The following AGAP1 variants were observed in gnomAD, a reference collection of about 807,000 sequenced individuals.
AGAP1 encodes the protein ArfGAP with GTPase domain, ankyrin repeat and PH domain 1.
In AGAP1, 29 loss-of-function variants were observed where a neutral mutation model predicts 105.3. The ratio of observed to expected loss-of-function variants is 0.28; its 90% CI spans 0.21 to 0.38. AGAP1 has a LOEUF of 0.38. Among genes scored for constraint, AGAP1 ranks in the 10% least tolerant of loss-of-function variants. AGAP1 has a pLI of 1.00. For synonymous variants in AGAP1, 509 were observed against 485.9 expected, an observed-to-expected ratio of 1.05 and a Z score of -0.63; for missense variants, 998 against 1,165.1, an observed-to-expected ratio of 0.86 and a Z score of 2.09.
At chr2:235,945,563 A>G (rs1238049100) in intron 12 of AGAP1, among the ~76,000 whole-genome samples, 1 of 147,508 alleles carries the variant, frequency 6.8e-6, no homozygotes, top group Non-Finnish European at 1.5e-5. Context: ...TAATTTTACA[A>G]TAATATCTTT....
Position 235,533,013 on chromosome 2 carries a change from A to G in AGAP1, c.163+38164A>G, listed in dbSNP as rs182428236. On this transcript the variant is annotated intron_variant, in intron 1 of 17. Coordinates refer to ENST00000304032, the MANE Select transcript of AGAP1 (RefSeq NM_001037131.3). ...TTTGAAGGGAAAAAAAAATCAATCAATCAATATCAGTAACTTGCTATAGAT... is the reference window on the plus strand; with the variant it reads ...TTTGAAGGGAAAAAAAAATCAATCAGTCAATATCAGTAACTTGCTATAGAT... 2.7e-3 allele frequency among the ~76,000 whole-genome samples: 413 copies of G among 152,308 alleles called. 3 individuals are homozygous for G. Among genetic ancestry groups the G allele is most frequent in the African/African-American group, 9.7e-3 (404 of 41,572 alleles).
Position 235,866,393 on chromosome 2 carries a change from C to CG in AGAP1, c.1051-16947dup, listed in dbSNP as rs931775690. Among the ~76,000 whole-genome samples, 3 of 151,980 alleles carry CG rather than the reference C, an allele frequency of 2.0e-5. No homozygotes were observed. The highest frequency in any genetic ancestry group is 7.3e-5 in the African/African-American group (3 of 41,370). On this transcript the variant is annotated intron_variant, in intron 9 of 17. Coordinates refer to ENST00000304032, the MANE Select transcript of AGAP1 (RefSeq NM_001037131.3). The surrounding 1 kb of genome is among the most constrained non-coding windows in gnomAD (Gnocchi z 6.1). ...GGACTTGAGGTACCTGGTAGATACT[C>CG]GGGGGAGTGTGTCCAGTACGGAATG...
chr2:235,526,555 A>G (rs950852572), intron 1 of AGAP1, among the ~76,000 whole-genome samples: 1 of 152,254 alleles, frequency 6.6e-6, no homozygotes, highest in Non-Finnish European at 1.5e-5. Context: ...ACATAAAAAG[A>G]TTTAACAAGC....
chr2:235,567,361 G>GC (rs1345795651), intron 1 of AGAP1, among the ~76,000 whole-genome samples: 1 of 152,154 alleles, frequency 6.6e-6, no homozygotes, highest in Non-Finnish European at 1.5e-5. Flanking sequence ...CCCTTCCAGA[G>GC]CCCCAAAGGG....
chr2:235,496,196 A>AGC (rs1941312377), intron 1 of AGAP1, among the ~76,000 whole-genome samples: 2 of 152,372 alleles, frequency 1.3e-5, no homozygotes, highest in Non-Finnish European at 1.5e-5. Flanking sequence ...AGGCTGGATG[A>AGC]CTGGCAGACT....
At position 235,983,409 on chromosome 2, in the gene AGAP1, T is replaced by C. The variant is rs1210188261; in HGVS notation, c.1645+14786T>C. Reference sequence around the variant, plus strand: ...GGCCCCTTTTTCTCCTTTCCTTCTTTCTCTTCCATTCTCCTTTTTCCTGTA... The same window carrying C: ...GGCCCCTTTTTCTCCTTTCCTTCTTCCTCTTCCATTCTCCTTTTTCCTGTA... On this transcript the variant is annotated intron_variant, in intron 13 of 17. Coordinates refer to ENST00000304032, the MANE Select transcript of AGAP1 (RefSeq NM_001037131.3). The surrounding 1 kb of genome is among the most constrained non-coding windows in gnomAD (Gnocchi z 4.5). Among the ~76,000 whole-genome samples the C allele has an allele frequency of 3.3e-5, 5 of 152,176 alleles. No homozygotes were observed. In the East Asian group the frequency reaches 9.6e-4, roughly 29 times the overall value.
At chr2:235,822,604 G>T (rs1958856287) in intron 9 of AGAP1, among the ~76,000 whole-genome samples, 1 of 152,044 alleles carries the variant, frequency 6.6e-6, no homozygotes, top group Non-Finnish European at 1.5e-5. Context: ...AGAAGCTTGG[G>T]AATGGGGAGA....
At position 235,813,204 on chromosome 2, in the gene AGAP1, G is replaced by T. The variant is rs907608573; in HGVS notation, c.1050+5873G>T. ...CCCCGCCCTTTTGGCAATGTTGGTG[G>T]GTGACAATATGTTCCTCACAAGATG... On this transcript the variant is annotated intron_variant, in intron 9 of 17. Transcript: ENST00000304032. 1.6e-4 allele frequency among the ~76,000 whole-genome samples: 24 copies of T among 152,186 alleles called. 1 individual carries two copies. The highest frequency in any genetic ancestry group is 5.6e-4 in the African/African-American group (23 of 41,440).
intron 16 of AGAP1, among the ~76,000 whole-genome samples, chr2:236,072,747 A>G (rs1231815303): frequency 2.0e-5 from 3 of 152,132 alleles, no homozygotes; most frequent in Non-Finnish European, 2.9e-5. Context: ...GGAGTGAGGC[A>G]CTGCATCTAG....
At position 236,101,202 on chromosome 2, in the gene AGAP1, T is replaced by G. The variant is rs974588434; in HGVS notation, c.2115-18990T>G. Among the ~76,000 whole-genome samples the G allele has an allele frequency of 1.3e-5, 2 of 152,178 alleles. No individual in the cohort carries two copies. The highest frequency in any genetic ancestry group is 2.9e-5 in the Non-Finnish European group (2 of 68,036). The stretch of plus-strand genomic sequence containing the variant: ...AAATCTCTGTTGTTGGTACTGTTTG[T>G]TTTTGGCTGTTGGAACTGTTGTGAT... On this transcript the variant is annotated intron_variant, in intron 16 of 17. Transcript: ENST00000304032. The surrounding 1 kb of genome is among the most constrained non-coding windows in gnomAD (Gnocchi z 4.9).
chr2:235,996,104 G>A (rs2055802989), intron 13 of AGAP1, among the ~76,000 whole-genome samples: 1 of 152,202 alleles, frequency 6.6e-6, no homozygotes, highest in South Asian at 2.1e-4. Context: ...AGCAGTGCCA[G>A]TTAACTGAGA....
chr2:235,617,224 A>G (rs899167623), intron 1 of AGAP1, among the ~76,000 whole-genome samples: 2 of 152,222 alleles, frequency 1.3e-5, no homozygotes, highest in Non-Finnish European at 2.9e-5. Flanking sequence ...AATAACTTTC[A>G]AAAACTAGGT....
intron 1 of AGAP1, among the ~76,000 whole-genome samples, chr2:235,653,173 G>A (rs1947653191): frequency 6.6e-6 from 1 of 151,968 alleles, no homozygotes; most frequent in Non-Finnish European, 1.5e-5. Flanking sequence ...TGCTACTTAA[G>A]GGCACATTCC....
rs924069917 is a variant in AGAP1, at chr2:235,877,358, T to C, written c.1051-5987T>C. 2.6e-5 allele frequency among the ~76,000 whole-genome samples: 4 copies of C among 152,200 alleles called. No individual in the cohort carries two copies. The highest frequency in any genetic ancestry group is 5.9e-5 in the Non-Finnish European group (4 of 68,050). ...AATGTTAAGGATGATGATGTTTTGC[T>C]GAAACAAAATGACGGCCATCCGTGC... On this transcript the variant is annotated intron_variant, in intron 9 of 17. Transcript: ENST00000304032. The surrounding 1 kb of genome is among the most constrained non-coding windows in gnomAD (Gnocchi z 4.3).
rs1220389148 is a variant in AGAP1, at chr2:235,740,715, A to G, written c.311-248A>G. Among the ~76,000 whole-genome samples, 2 of 152,250 alleles carry G rather than the reference A, an allele frequency of 1.3e-5. No individual in the cohort carries two copies. Among genetic ancestry groups the G allele is most frequent in the Non-Finnish European group, 2.9e-5 (2 of 68,046 alleles). On this transcript the variant is annotated intron_variant, in intron 3 of 17. Coordinates refer to ENST00000304032, the MANE Select transcript of AGAP1 (RefSeq NM_001037131.3). This position sits in a 1 kb window ranked among gnomAD's most constrained non-coding sequence, Gnocchi z 5.7. ...CATGAGAAGTCCACACTAATTGGCC[A>G]CGAGTGTCTGGCATTGCGAAGGAAG...
intron 1 of AGAP1, among the ~76,000 whole-genome samples, chr2:235,652,924 T>A (rs1947643223): frequency 6.6e-6 from 1 of 151,630 alleles, no homozygotes; most frequent in Non-Finnish European, 1.5e-5. Flanking sequence ...GTGAGCCAAG[T>A]TTGTGCCACT....
At chr2:236,085,141 G>T (rs536357724) in intron 16 of AGAP1, among the ~76,000 whole-genome samples, 1 of 151,440 alleles carries the variant, frequency 6.6e-6, no homozygotes, top group African/African-American at 2.4e-5. Context: ...ACGTGAACCC[G>T]GGAGGCGGAG....
chr2:235,786,194 C>T (rs147998723), intron 6 of AGAP1, among the ~76,000 whole-genome samples: 8 of 152,316 alleles, frequency 5.3e-5, no homozygotes, highest in South Asian at 2.1e-4. Flanking sequence ...TCACTTGCCT[C>T]GTCTTGGAAG....
intron 1 of AGAP1, among the ~76,000 whole-genome samples, chr2:235,528,740 G>A (rs1942940406): frequency 6.6e-6 from 1 of 152,134 alleles, no homozygotes; most frequent in African/African-American, 2.4e-5. Context: ...GCAGTGGCGT[G>A]ATCTTGGCTC....
Sources: gnomAD v4.1 joint callset for allele counts (sites outside exome capture counted in the v4.1 genomes callset) on GRCh38, gnomAD v4.1.1 for gene constraint, Gnocchi (gnomAD v3.1) non-coding constraint, MANE v1.5 for transcripts, NCBI Gene and HGNC (gene_info 2026-07-23, HGNC 2026-07-21) for gene names.